MARCHF3: variants seen among roughly 807,000 people sequenced by gnomAD.
MARCHF3 encodes the protein membrane associated ring-CH-type finger 3, also known as E3 ubiquitin-protein ligase MARCHF3.
Under a neutral mutation model 24.2 loss-of-function variants are expected in MARCHF3, and 13 were observed. That is an observed-to-expected ratio of 0.54 (90% CI 0.35 to 0.85). MARCHF3 has a LOEUF of 0.85. MARCHF3 is among the 40% of genes least tolerant of loss of function. The pLI is 0.01. For missense variants in MARCHF3, 276 were observed against 325.0 expected (o/e 0.85, Z 1.16); for synonymous variants, 144 against 137.3 (o/e 1.05, Z -0.34).
chr5:126,915,215 T>A, intron 2 of MARCHF3, 81 bp from the exon 3 acceptor site: 1 of 1,405,472 alleles, frequency 7.1e-7, no homozygotes, highest in Non-Finnish European at 9.8e-7. Context: ...TCTTGTCCTT[T>A]GGGCCCTCCC....
Position 126,958,015 on chromosome 5 carries a change from A to G in MARCHF3, c.-56-39788T>C, listed in dbSNP as rs77606252. 8.9e-3 allele frequency among the ~76,000 whole-genome samples: 1,350 copies of G among 152,270 alleles called. 20 individuals are homozygous for G. The highest frequency in any genetic ancestry group is 0.025 in the East Asian group (132 of 5,192). On this transcript the variant is annotated intron_variant, in intron 1 of 4. Coordinates refer to ENST00000308660, the MANE Select transcript of MARCHF3 (RefSeq NM_178450.5). ...TACTCTTGTAAATGGGACATTTCCC[A>G]TTACATGTTATAACTACTTATTGCC...
intron 1 of MARCHF3, among the ~76,000 whole-genome samples, chr5:126,988,832 CA>C: frequency 6.6e-6 from 1 of 152,056 alleles, no homozygotes; most frequent in Middle Eastern, 3.4e-3. Flanking sequence ...GGAAGGGAAC[CA>C]TGGCTTTTCA....
intron 1 of MARCHF3, among the ~76,000 whole-genome samples, chr5:126,925,748 C>T (rs907254916): frequency 2.0e-5 from 3 of 152,114 alleles, no homozygotes; most frequent in Non-Finnish European, 2.9e-5. Flanking sequence ...GAGGGCACAT[C>T]AGAAAAGTTT....
intron 1 of MARCHF3, among the ~76,000 whole-genome samples, chr5:126,963,107 T>C (rs1750694279): frequency 6.6e-6 from 1 of 152,182 alleles, no homozygotes; most frequent in Non-Finnish European, 1.5e-5. Flanking sequence ...ATGTAATGTT[T>C]AGCCTAGTAT....
intron 1 of MARCHF3, 65 bp from the exon 2 acceptor site, chr5:126,918,292 C>T: frequency 1.1e-6 from 1 of 940,358 alleles, no homozygotes; most frequent in Non-Finnish European, 1.5e-6. Flanking sequence ...GAATTATGGG[C>T]CACCAACATC....
chr5:127,006,146 T>A (rs1172286334), intron 1 of MARCHF3, among the ~76,000 whole-genome samples: 2 of 144,860 alleles, frequency 1.4e-5, no homozygotes, highest in East Asian at 4.0e-4. Flanking sequence ...GAGGTTGCAG[T>A]GAGCCGAGAT....
chr5:126,966,858 C>T (rs1373695956), intron 1 of MARCHF3, among the ~76,000 whole-genome samples: 1 of 46,204 alleles, frequency 2.2e-5, no homozygotes, highest in South Asian at 8.5e-4. Context: ...TCTTTAAATT[C>T]TTGTATTTGC....
At chr5:126,892,355 C>T (rs1268567865) in intron 3 of MARCHF3, among the ~76,000 whole-genome samples, 1 of 150,104 alleles carries the variant, frequency 6.7e-6, no homozygotes, top group Admixed American at 6.6e-5. Context: ...GAGGGCATCC[C>T]TGTCTTGTGC....
chr5:127,006,865 G>A (rs1384992071), intron 1 of MARCHF3, among the ~76,000 whole-genome samples: 1 of 152,108 alleles, frequency 6.6e-6, no homozygotes, highest in Non-Finnish European at 1.5e-5. Context: ...GTGTACCTCT[G>A]GTTTTAACAT....
At chr5:127,023,630 G>A (rs1752890294) in intron 1 of MARCHF3, among the ~76,000 whole-genome samples, 1 of 151,876 alleles carries the variant, frequency 6.6e-6, no homozygotes, top group African/African-American at 2.4e-5. Flanking sequence ...TACTCGGAAG[G>A]CTGAGGCAGG....
At chr5:126,948,096 C>A (rs1750090573) in intron 1 of MARCHF3, among the ~76,000 whole-genome samples, 1 of 152,124 alleles carries the variant, frequency 6.6e-6, no homozygotes, top group Non-Finnish European at 1.5e-5. Flanking sequence ...TGCCTACTTC[C>A]ATTTCCCAGA....
chr5:126,909,838 A>G (rs747846340), intron 3 of MARCHF3, among the ~76,000 whole-genome samples: 1 of 152,076 alleles, frequency 6.6e-6, no homozygotes, highest in African/African-American at 2.4e-5. Flanking sequence ...CTTTAAAACC[A>G]TTGTCCTCCA....
chr5:127,030,251 G>A (rs1332102658), intron 1 of MARCHF3, 99 bp downstream of exon 1: 1 of 152,108 alleles, frequency 6.6e-6, no homozygotes, highest in Admixed American at 6.5e-5. Context: ...GGTCACGCTC[G>A]GACGAACGGA....
chr5:126,880,436 C>A (rs545273733), intron 3 of MARCHF3, among the ~76,000 whole-genome samples: 1 of 152,306 alleles, frequency 6.6e-6, no homozygotes, highest in South Asian at 2.1e-4. Flanking sequence ...GATATTAATC[C>A]TGCCATGTGT....
At position 126,915,057 on chromosome 5, in the gene MARCHF3, C is replaced by T. The variant is rs749808450; in HGVS notation, c.266G>A (p.Cys89Tyr). ...ATGAATTGTCCCCAAGGTCCCTGTA[C>T]ATTCACATGGAGAGAGCAAGTCCTC... ...SQEDLLSPCE[C>Y]TGTLGTIHRS... Residue 89 changes from cysteine (C) to tyrosine (Y), a missense_variant, in exon 3 of 5, where the codon TGT becomes TAT. Physicochemically the swap from Cys to Tyr is radical, Grantham distance 194. Transcript: ENST00000308660. 3 of 1,614,220 alleles carry T rather than the reference C, an allele frequency of 1.9e-6. No individual in the cohort carries two copies. The highest frequency in any genetic ancestry group is 2.5e-6 in the Non-Finnish European group (3 of 1,180,044).
intron 1 of MARCHF3, among the ~76,000 whole-genome samples, chr5:126,930,888 C>T (rs2126803630): frequency 6.6e-6 from 1 of 152,258 alleles, no homozygotes; most frequent in Middle Eastern, 3.4e-3. Flanking sequence ...CCATGATTGC[C>T]TTGTTTTAGT....
At chr5:126,875,934 A>C (rs935435276) in intron 4 of MARCHF3, among the ~76,000 whole-genome samples, 1 of 152,228 alleles carries the variant, frequency 6.6e-6, no homozygotes, top group African/African-American at 2.4e-5. Context: ...ATCCTATTTG[A>C]ATTTACACTG....
chr5:126,916,692 G>GACAGACAGACAC (rs750408549), intron 2 of MARCHF3, among the ~76,000 whole-genome samples: 107 of 130,554 alleles, frequency 8.2e-4, no homozygotes, highest in African/African-American at 3.3e-3. Context: ...CAGACAGACA[G>GACAGACAGACAC]ACACACACAC....
At chr5:127,002,342 C>G (rs1193087944) in intron 1 of MARCHF3, among the ~76,000 whole-genome samples, 3 of 152,114 alleles carry the variant, frequency 2.0e-5, no homozygotes, top group Non-Finnish European at 4.4e-5. Flanking sequence ...CCTTTCCTAC[C>G]ACTTAAGTCT....
Sources: gnomAD v4.1 joint callset for allele counts (sites outside exome capture counted in the v4.1 genomes callset) on GRCh38, gnomAD v4.1.1 for gene constraint, MANE v1.5 for transcripts, NCBI Gene and HGNC (gene_info 2026-07-23, HGNC 2026-07-21) for gene names.